The following SRGAP3 variants were observed in gnomAD, a reference collection of about 807,000 sequenced individuals.
SRGAP3 encodes SLIT-ROBO Rho GTPase activating protein 3.
In SRGAP3, 39 loss-of-function variants were observed where a neutral mutation model predicts 121.1. That is an observed-to-expected ratio of 0.32 (90% CI 0.25 to 0.42). The LOEUF (loss-of-function observed/expected upper bound fraction) is 0.42, where lower values mean the gene tolerates loss of function less well. Ranked by LOEUF, SRGAP3 falls within the 10% of genes least tolerant of loss-of-function variation. The probability of loss-of-function intolerance (pLI) is 1.00; values close to 1 mark genes in which losing one functional copy is unlikely to be tolerated. For missense variants in SRGAP3, 1,213 were observed against 1,470.6 expected, an observed-to-expected ratio of 0.82 and a Z score of 2.86; for synonymous variants, 601 against 570.0, an observed-to-expected ratio of 1.05 and a Z score of -0.77.
Position 8,982,979 on chromosome 3 carries a change from T to C in SRGAP3, c.*2540A>G. 4.4e-6 allele frequency: 1 copy of C among 229,394 alleles called. No homozygotes were observed. Among genetic ancestry groups the C allele is most frequent in the Non-Finnish European group, 8.6e-6 (1 of 115,664 alleles). The allele number at this position is 229,394 out of a possible 1,614,324, so 14.2% of individuals were successfully genotyped here. A position where few individuals can be genotyped will look rare whatever the true frequency, so the allele number is the denominator to read the frequency against. ...AAAAATCCACACGGTCTGATTGGTG[T>C]TATGTATATCAGGCAACAGATTTTT... On this transcript the variant is annotated 3_prime_UTR_variant, in exon 22 of 22. Transcript: ENST00000383836.
intron 1 of SRGAP3, among the ~76,000 whole-genome samples, chr3:9,174,072 A>G (rs1951085104): frequency 6.6e-6 from 1 of 152,200 alleles, no homozygotes; most frequent in African/African-American, 2.4e-5. Context: ...GAATGGATGG[A>G]CCTTGGGGAC....
At chr3:9,096,993 A>G (rs540082207) in intron 3 of SRGAP3, among the ~76,000 whole-genome samples, 28 of 136,442 alleles carry the variant, frequency 2.1e-4, no homozygotes, top group African/African-American at 7.0e-4. Context: ...ACATACACAC[A>G]CATATATATA....
At chr3:9,202,307 G>A (rs990359244) in intron 1 of SRGAP3, among the ~76,000 whole-genome samples, 7 of 152,272 alleles carry the variant, frequency 4.6e-5, no homozygotes, top group Admixed American at 4.6e-4. Context: ...TAGTGCCCAC[G>A]TTATCTGCCA....
chr3:9,302,324 A>AC (rs1475961665), intron 3 of SRGAP3, among the ~76,000 whole-genome samples: 5 of 151,690 alleles, frequency 3.3e-5, no homozygotes, highest in Non-Finnish European at 5.9e-5. Context: ...TATCCCCCTC[A>AC]CCCCTCCCCA....
chr3:8,983,025 C>T lies in SRGAP3; in HGVS notation c.*2494G>A, dbSNP rs186775798. The T allele has an allele frequency of 3.9e-3, 888 of 228,420 alleles. 4 individuals are homozygous for T. Among genetic ancestry groups the T allele is most frequent in the Non-Finnish European group, 5.3e-3 (615 of 115,030 alleles). The allele number at this position is 228,420 out of a possible 1,614,324, so 14.1% of individuals were successfully genotyped here. On this transcript the variant is annotated 3_prime_UTR_variant, in exon 22 of 22. Transcript: ENST00000383836. ...TTTTTCTACTCTGATTGTTGCTTTTCATCTGGCAGTTGTGGCAGATTGCTA... is the reference window on the plus strand; with the variant it reads ...TTTTTCTACTCTGATTGTTGCTTTTTATCTGGCAGTTGTGGCAGATTGCTA...
intron 1 of SRGAP3, among the ~76,000 whole-genome samples, chr3:9,128,413 C>T (rs1254729021): frequency 6.6e-6 from 1 of 152,144 alleles, no homozygotes; most frequent in Admixed American, 6.5e-5. Flanking sequence ...TCTTAAAAAA[C>T]TTTCAAGCAT....
At chr3:9,204,961 TTAAGCTTCCA>T (rs1293766001) in intron 1 of SRGAP3, among the ~76,000 whole-genome samples, 1 of 152,228 alleles carries the variant, frequency 6.6e-6, no homozygotes, top group Admixed American at 6.5e-5. Flanking sequence ...CTTGGCTTGT[TTAAGCTTCCA>T]TGGGCCATAA....
chr3:9,274,596 G>A (rs1343790565), intron 3 of SRGAP3, among the ~76,000 whole-genome samples: 1 of 152,186 alleles, frequency 6.6e-6, no homozygotes, highest in Admixed American at 6.5e-5. Context: ...ACAGCTCGGT[G>A]GAGGGTCAGT....
chr3:9,071,360 C>G (rs1946700719), intron 4 of SRGAP3, among the ~76,000 whole-genome samples: 1 of 152,108 alleles, frequency 6.6e-6, no homozygotes, highest in Non-Finnish European at 1.5e-5. Context: ...ACCCCACAAT[C>G]CTGGGGTGGG....
chr3:9,185,478 G>C (rs553816322), intron 1 of SRGAP3, among the ~76,000 whole-genome samples: 1 of 149,714 alleles, frequency 6.7e-6, no homozygotes, highest in Non-Finnish European at 1.5e-5. Context: ...TTGTTGGGGT[G>C]GGGGGGCACT....
chr3:9,091,688 TCCTAGCC>T (rs1379938908), intron 3 of SRGAP3, among the ~76,000 whole-genome samples: 2 of 152,106 alleles, frequency 1.3e-5, no homozygotes, highest in African/African-American at 4.8e-5. Context: ...TCACTCCCAT[TCCTAGCC>T]AGGACTTTGG....
At chr3:9,210,158 C>A (rs117972134) in intron 1 of SRGAP3, among the ~76,000 whole-genome samples, 1 of 152,084 alleles carries the variant, frequency 6.6e-6, no homozygotes, top group African/African-American at 2.4e-5. Flanking sequence ...GATGAGAACA[C>A]GGAGTGACTG....
chr3:9,059,675 C>T (rs1329547535), intron 6 of SRGAP3: 1 of 203,242 alleles, frequency 4.9e-6, no homozygotes, highest in Non-Finnish European at 1.0e-5. Context: ...GTGTCCTGCA[C>T]AGCGGGTACT....
intron 3 of SRGAP3, among the ~76,000 whole-genome samples, chr3:9,271,354 TG>T (rs1954474035): frequency 6.6e-6 from 1 of 152,070 alleles, no homozygotes; most frequent in South Asian, 2.1e-4. Context: ...ATAAATAAAG[TG>T]TTGGCTATTG....
rs373486044 is a variant in SRGAP3, at chr3:9,349,267, CAT to C, written n.214+13571_214+13572del. 1.1e-3 allele frequency: 549 copies of C among 507,204 alleles called. 4 individuals carry two copies. Among genetic ancestry groups the C allele is most frequent in the South Asian group, 4.4e-3 (245 of 55,058 alleles). 31.4% of individuals were successfully genotyped at this position (507,204 alleles called of 1,614,324 possible). ...CGTCCCCCTGCCCCTCCCTCCTGCA[CAT>C]GTCACACTGACCACATCTGTAGGCA... On this transcript the variant is annotated intron_variant and non_coding_transcript_variant, in intron 1 of 3. Coordinates refer to the SRGAP3 transcript ENST00000490889.
intron 3 of SRGAP3, among the ~76,000 whole-genome samples, chr3:9,090,156 T>C (rs1342236838): frequency 6.6e-6 from 1 of 152,208 alleles, no homozygotes; most frequent in African/African-American, 2.4e-5. Context: ...GAGACGGCCT[T>C]CTGAAAACGC....
chr3:9,055,680 T>C (rs1945786263), intron 8 of SRGAP3, among the ~76,000 whole-genome samples: 1 of 152,194 alleles, frequency 6.6e-6, no homozygotes. Flanking sequence ...TTATTTCTAA[T>C]GATAAAACAG....
chr3:9,341,173 T>G (rs1339032115), intron 1 of SRGAP3, among the ~76,000 whole-genome samples: 1 of 152,106 alleles, frequency 6.6e-6, no homozygotes, highest in African/African-American at 2.4e-5. Context: ...TCGCTCCAGA[T>G]AGAGTCACAT....
chr3:9,077,480 C>T (rs1947027278), intron 4 of SRGAP3, among the ~76,000 whole-genome samples: 1 of 152,146 alleles, frequency 6.6e-6, no homozygotes, highest in Non-Finnish European at 1.5e-5. Context: ...AGTGTGCAGT[C>T]AACAAATGAT....
Sources: gnomAD v4.1 joint callset for allele counts (sites outside exome capture counted in the v4.1 genomes callset) on GRCh38, gnomAD v4.1.1 for gene constraint, MANE v1.5 for transcripts, NCBI Gene and HGNC (gene_info 2026-07-23, HGNC 2026-07-21) for gene names.